The following CPT1A variants were observed in gnomAD, a reference collection of about 807,000 sequenced individuals.
CPT1A encodes carnitine palmitoyltransferase 1A.
In CPT1A, 64 loss-of-function variants were observed where a neutral mutation model predicts 100.8. The ratio of observed to expected loss-of-function variants is 0.63; its 90% confidence interval spans 0.52 to 0.78. The LOEUF (loss-of-function observed/expected upper bound fraction) is 0.78. CPT1A is among the 30% of genes least tolerant of loss of function. The pLI is 0.00. For synonymous variants in CPT1A, 363 were observed against 396.0 expected, an observed-to-expected ratio of 0.92 and a Z score of 0.99; for missense variants, 802 against 1,034.1, an observed-to-expected ratio of 0.78 and a Z score of 3.08.
At chr11:68,776,229 C>G (rs1855136512) in intron 12 of CPT1A, among the ~76,000 whole-genome samples, 1 of 152,110 alleles carries the variant, frequency 6.6e-6, no homozygotes, top group African/African-American at 2.4e-5. Flanking sequence ...GAGATCTTAT[C>G]TCTACAAGAA....
In CPT1A at chr11:68,781,766, G is replaced by A. The variant is rs780953492; in HGVS notation, c.1352+5C>T. On this transcript the variant is annotated splice_donor_5th_base_variant and intron_variant, in intron 11 of 18. Coordinates refer to ENST00000265641, the MANE Select transcript of CPT1A (RefSeq NM_001876.4). ...CTCCTGTCTCTCAGAAGGTAAGGAC[G>A]GTACCTGTCGTAACATCGGCCGTGT... 16 of 1,613,936 alleles carry A rather than the reference G, an allele frequency of 9.9e-6. No individual in the cohort carries two copies. Among genetic ancestry groups the A allele is most frequent in the Non-Finnish European group, 1.1e-5 (13 of 1,179,940 alleles).
rs2153997781 is a variant in CPT1A at position 68,780,715 on chromosome 11, G to A, written c.1383C>T (p.Val461=). Residue 461 remains valine (V), a synonymous_variant, in exon 12 of 19, where the codon GTC becomes GTT. Transcript: ENST00000265641. ...TGAGGCCCATCTTCCCGTTTTTGAA[G>A]ACAACAAACGTGAACGACTTGTCAA... ...RWFDKSFTFV[V]FKNGKMGLNA... The A allele has an allele frequency of 6.2e-7, 1 of 1,614,210 alleles. No individual in the cohort carries two copies. Among genetic ancestry groups the A allele is most frequent in the Non-Finnish European group, 8.5e-7 (1 of 1,180,036 alleles).
chr11:68,810,332 C>T (rs1045307023), intron 3 of CPT1A, among the ~76,000 whole-genome samples: 7 of 152,206 alleles, frequency 4.6e-5, no homozygotes, highest in African/African-American at 1.7e-4. Flanking sequence ...CCCTGAGCAC[C>T]CAGGTCTGCC....
rs746455686 is a variant in CPT1A at position 68,761,576 on chromosome 11, C to A, written c.1987G>T (p.Val663Leu). ...IDRHLFCLYVVSKYLAVESPF... is the reference protein window; with the variant it reads ...IDRHLFCLYVLSKYLAVESPF... The stretch of plus-strand genomic sequence containing the variant: ...GACTCCACAGCGAGATATTTAGACA[C>A]CACGTAAAGGCAGAAGAGGTGACGA... Residue 663 changes from valine to leucine, a missense_variant, in exon 16 of 19, where the codon GTG becomes TTG. Coordinates refer to ENST00000265641, the MANE Select transcript of CPT1A (RefSeq NM_001876.4). 1 of 1,613,914 alleles carries A rather than the reference C, an allele frequency of 6.2e-7. No individual in the cohort carries two copies. Among genetic ancestry groups the A allele is most frequent in the Non-Finnish European group, 8.5e-7 (1 of 1,180,020 alleles).
At position 68,841,555 on chromosome 11, in the gene CPT1A, TCC is replaced by T. The variant is rs1442733210; in HGVS notation, c.-14+218_-14+219del. On this transcript the variant is annotated intron_variant, in intron 1 of 18. Coordinates refer to ENST00000265641, the MANE Select transcript of CPT1A (RefSeq NM_001876.4). This position sits in a 1 kb window ranked among gnomAD's most constrained non-coding sequence, Gnocchi z 6.3. ...ACCCCCGGTGGACCCTCAGACCCAA[TCC>T]CCTGGGGAACATGGGGAGCCCCGGC... Among the ~76,000 whole-genome samples, 6 of 152,170 alleles carry T rather than the reference TCC, an allele frequency of 3.9e-5. No individual in the cohort carries two copies. The East Asian group carries it at 1.2e-3, about 30-fold the overall frequency.
At chr11:68,774,078 A>G (rs1360075661) in intron 13 of CPT1A, among the ~76,000 whole-genome samples, 2 of 152,242 alleles carry the variant, frequency 1.3e-5, no homozygotes, top group Admixed American at 6.5e-5. Context: ...ACGCATGCCA[A>G]TGTATAAAAC....
At position 68,804,103 on chromosome 11, in the gene CPT1A, T is replaced by A; in HGVS notation, c.454-2A>T. 1 of 1,608,908 alleles carries A rather than the reference T, an allele frequency of 6.2e-7. No individual in the cohort carries two copies. The highest frequency in any genetic ancestry group is 1.1e-5 in the South Asian group (1 of 90,966). On this transcript the variant is annotated splice_acceptor_variant, in intron 4 of 18. Coordinates refer to ENST00000265641, the MANE Select transcript of CPT1A (RefSeq NM_001876.4). LOFTEE classifies it high-confidence loss of function. Reference sequence around the variant, plus strand: ...GCCTGAAAAGATCTTGACCATACCCTGAAGAGAGAGAATTATATTTTCAGA... The same window carrying A: ...GCCTGAAAAGATCTTGACCATACCCAGAAGAGAGAGAATTATATTTTCAGA...
At chr11:68,764,981 A>G (rs1854751093) in intron 14 of CPT1A, among the ~76,000 whole-genome samples, 1 of 152,172 alleles carries the variant, frequency 6.6e-6, no homozygotes, top group South Asian at 2.1e-4. Context: ...CCCTGGTGGC[A>G]TGACACGACA....
chr11:68,775,504 G>C, intron 12 of CPT1A, 72 bp from the exon 13 acceptor site: 1 of 1,201,792 alleles, frequency 8.3e-7, no homozygotes, highest in African/African-American at 1.5e-5. Context: ...AACATGAAGA[G>C]AGGGTTGTTC....
rs190821420 is a variant in CPT1A at position 68,826,460 on chromosome 11, C to T, written c.-13-10973G>A. Among the ~76,000 whole-genome samples, 513 of 144,976 alleles carry T rather than the reference C, an allele frequency of 3.5e-3. 5 individuals carry two copies. The highest frequency in any genetic ancestry group is 0.011 in the African/African-American group (432 of 39,700). On this transcript the variant is annotated intron_variant, in intron 1 of 18. Coordinates refer to ENST00000265641, the MANE Select transcript of CPT1A (RefSeq NM_001876.4). ...CCGTCTCAAAAAAAAAAAGGTCAGG[C>T]GCGGTGGCTCACGCCTGTAATCCCA... is the stretch of plus-strand genomic sequence containing the variant.
At chr11:68,798,778 A>G (rs1312735415) in intron 6 of CPT1A, among the ~76,000 whole-genome samples, 1 of 152,332 alleles carries the variant, frequency 6.6e-6, no homozygotes, top group South Asian at 2.1e-4. Context: ...GAAACAGCTC[A>G]CGGGAGGACT....
intron 1 of CPT1A, among the ~76,000 whole-genome samples, chr11:68,820,476 G>T (rs1178320169): frequency 7.2e-5 from 11 of 151,772 alleles, no homozygotes; most frequent in Non-Finnish European, 1.3e-4. Context: ...TGAGGTCAGG[G>T]GTTCGAGACC....
chr11:68,801,218 C>G (rs3794020), intron 5 of CPT1A, among the ~76,000 whole-genome samples: 4 of 152,128 alleles, frequency 2.6e-5, no homozygotes. Context: ...AGTGGAACCC[C>G]GAGCTACGCA....
At chr11:68,829,201 C>A (rs1024497140) in intron 1 of CPT1A, among the ~76,000 whole-genome samples, 1 of 152,146 alleles carries the variant, frequency 6.6e-6, no homozygotes, top group African/African-American at 2.4e-5. Context: ...GTCCCCGGGC[C>A]GCGTGTCCCA....
intron 6 of CPT1A, among the ~76,000 whole-genome samples, chr11:68,797,452 C>T (rs1476094357): frequency 6.6e-6 from 1 of 152,182 alleles, no homozygotes; most frequent in African/African-American, 2.4e-5. Flanking sequence ...AGGAAGATCG[C>T]TTGATGCCAG....
chr11:68,799,148 C>T (rs546803387), intron 6 of CPT1A, 70 bp downstream of exon 6: 43 of 1,416,642 alleles, frequency 3.0e-5, no homozygotes, highest in South Asian at 1.9e-4. Context: ...GCCCTGTTAT[C>T]CCTGCCCCTC....
intron 14 of CPT1A, among the ~76,000 whole-genome samples, chr11:68,768,267 G>T (rs1043131332): frequency 6.6e-6 from 1 of 151,512 alleles, no homozygotes; most frequent in Non-Finnish European, 1.5e-5. Context: ...AGTAGAGACG[G>T]GGTTTCATCG....
intron 18 of CPT1A, among the ~76,000 whole-genome samples, chr11:68,758,551 C>T (rs546074112): frequency 1.1e-4 from 16 of 151,918 alleles, no homozygotes; most frequent in South Asian, 2.1e-4. Context: ...AGCACTCCAA[C>T]GTTAAGCTTC....
At chr11:68,791,262 C>T (rs961855048) in intron 9 of CPT1A, among the ~76,000 whole-genome samples, 1 of 152,236 alleles carries the variant, frequency 6.6e-6, no homozygotes, top group Non-Finnish European at 1.5e-5. Flanking sequence ...ACAGCCTCCC[C>T]AGGACACCCT....
Sources: gnomAD v4.1 joint callset for allele counts (sites outside exome capture counted in the v4.1 genomes callset) on GRCh38, gnomAD v4.1.1 for gene constraint, Gnocchi (gnomAD v3.1) non-coding constraint, MANE v1.5 for transcripts, NCBI Gene and HGNC (gene_info 2026-07-23, HGNC 2026-07-21) for gene names.